Variants in SLCO6A1 observed in about 807,000 individuals in gnomAD.
SLCO6A1 encodes the protein cancer/testis antigen 48.
SLCO6A1 carries 65 observed loss-of-function variants against 72.7 expected under a neutral mutation model. The ratio of observed to expected loss-of-function variants is 0.89; its 90% CI spans 0.73 to 1.10. SLCO6A1 has a LOEUF of 1.10. SLCO6A1 is among the 50% of genes least tolerant of loss of function. The pLI is 0.00. For missense variants in SLCO6A1, 874 were observed against 872.6 expected (o/e 1.00, Z -0.02); for synonymous variants, 314 against 298.2 (o/e 1.05, Z -0.55).
At chr5:102,418,868 G>C (rs932756106) in intron 8 of SLCO6A1, among the ~76,000 whole-genome samples, 3 of 152,058 alleles carry the variant, frequency 2.0e-5, no homozygotes, top group African/African-American at 4.8e-5. Flanking sequence ...TAGCCTCCTA[G>C]CTTCATAATA....
chr5:102,396,029 G>A (rs1242277268), intron 10 of SLCO6A1, among the ~76,000 whole-genome samples: 3 of 152,016 alleles, frequency 2.0e-5, no homozygotes, highest in African/African-American at 7.2e-5. Context: ...TTGCTGTGCA[G>A]AAGCTCTTTA....
chr5:102,393,725 A>G, intron 10 of SLCO6A1, among the ~76,000 whole-genome samples: 1 of 151,996 alleles, frequency 6.6e-6, no homozygotes, highest in East Asian at 1.9e-4. Flanking sequence ...TTTTTTCCTT[A>G]AAGTGCTCCT....
intron 1 of SLCO6A1, among the ~76,000 whole-genome samples, chr5:102,498,072 A>G (rs1048067350): frequency 1.3e-5 from 2 of 152,082 alleles, no homozygotes; most frequent in Non-Finnish European, 2.9e-5. Flanking sequence ...GACTTCAACC[A>G]CACTATGATT....
At chr5:102,473,301 A>C (rs987412857) in intron 4 of SLCO6A1, among the ~76,000 whole-genome samples, 1 of 152,088 alleles carries the variant, frequency 6.6e-6, no homozygotes, top group Non-Finnish European at 1.5e-5. Flanking sequence ...TGTTTCTGGA[A>C]TATAAAGATG....
rs144293843 is a variant in SLCO6A1 at position 102,498,661 on chromosome 5, C to G, written c.184G>C (p.Gly62Arg). 123 of 1,614,098 alleles carry G rather than the reference C, an allele frequency of 7.6e-5. No individual in the cohort carries two copies. The highest frequency in any genetic ancestry group is 9.2e-5 in the Non-Finnish European group (109 of 1,180,040). ...GCTTTTTTCCTTTTTCGGAAACCGC[C>G]GAACCTTATCAAGGCCTCTGGAAGT... ...RLLPEALIRF[G>R]GFRKRKKAKS... Residue 62 changes from glycine to arginine, a missense_variant, in exon 1 of 14, where the codon GGC (glycine) becomes CGC (arginine). Gly to Arg is a moderately radical substitution (Grantham distance 125). Coordinates refer to ENST00000506729, the MANE Select transcript of SLCO6A1 (RefSeq NM_173488.5).
At chr5:102,384,162 C>A (rs911230350) in intron 12 of SLCO6A1, among the ~76,000 whole-genome samples, 1 of 151,556 alleles carries the variant, frequency 6.6e-6, no homozygotes, top group African/African-American at 2.4e-5. Flanking sequence ...TATTATTTTT[C>A]TAATCTCTAT....
chr5:102,398,681 A>C (rs551978131), intron 10 of SLCO6A1, among the ~76,000 whole-genome samples: 1 of 152,244 alleles, frequency 6.6e-6, no homozygotes, highest in South Asian at 2.1e-4. Flanking sequence ...GTTAATGTGA[A>C]TTGGGCCCTT....
intron 9 of SLCO6A1, 26 bp from the exon 10 acceptor site, chr5:102,399,768 A>G (rs780625767): frequency 2.6e-5 from 38 of 1,451,560 alleles, no homozygotes; most frequent in Non-Finnish European, 3.4e-5. Flanking sequence ...ACAGGAAACA[A>G]TCTTTCAGAA....
At chr5:102,477,617 T>C (rs1751970051) in intron 3 of SLCO6A1, 59 bp downstream of exon 3, 4 of 1,455,338 alleles carry the variant, frequency 2.7e-6, no homozygotes, top group Middle Eastern at 1.8e-4. Context: ...TAGATATGCA[T>C]ACCAAAATTC....
intron 12 of SLCO6A1, among the ~76,000 whole-genome samples, chr5:102,379,769 A>AT: frequency 2.4e-5 from 2 of 82,166 alleles, no homozygotes; most frequent in South Asian, 8.1e-4. Context: ...TATTTTGTCA[A>AT]TTTCAAAAAA....
chr5:102,476,159 G>C (rs756845223), intron 3 of SLCO6A1, among the ~76,000 whole-genome samples: 17 of 151,944 alleles, frequency 1.1e-4, no homozygotes, highest in Admixed American at 2.0e-4. Context: ...CCACTAAAGA[G>C]CTTATCTATG....
At chr5:102,488,692 A>G (rs1333823343) in intron 1 of SLCO6A1, among the ~76,000 whole-genome samples, 2 of 152,246 alleles carry the variant, frequency 1.3e-5, no homozygotes, top group African/African-American at 2.4e-5. Flanking sequence ...ATTTAATTTA[A>G]GCAATAATGT....
At chr5:102,421,738 C>T (rs1748619085) in intron 7 of SLCO6A1, among the ~76,000 whole-genome samples, 1 of 152,112 alleles carries the variant, frequency 6.6e-6, no homozygotes, top group Admixed American at 6.5e-5. Context: ...CTGAAGAGAG[C>T]AGCACATCTC....
In SLCO6A1 at chr5:102,458,381, C is replaced by T; in HGVS notation, c.1131+1G>A. 2 of 1,597,050 alleles carry T rather than the reference C, an allele frequency of 1.3e-6. No individual in the cohort carries two copies. The highest frequency in any genetic ancestry group is 1.1e-5 in the South Asian group (1 of 89,726). ...TGTTCAAGTAAAATATTTTACTTTA[C>T]CCAAAGAGCAGCACATAAATCCTTG... On this transcript the variant is annotated splice_donor_variant, in intron 6 of 13. Transcript: ENST00000506729. LOFTEE classifies it high-confidence loss of function.
intron 1 of SLCO6A1, among the ~76,000 whole-genome samples, chr5:102,496,959 GTTC>G (rs1460327977): frequency 6.6e-6 from 1 of 152,174 alleles, no homozygotes; most frequent in East Asian, 1.9e-4. Context: ...TCAAATGCTT[GTTC>G]TTCTAAGAAA....
At chr5:102,397,376 A>G (rs1378033196) in intron 10 of SLCO6A1, among the ~76,000 whole-genome samples, 19 of 152,144 alleles carry the variant, frequency 1.2e-4, no homozygotes, top group Admixed American at 1.2e-3. Flanking sequence ...TAGTAGACTT[A>G]AATATGACTT....
intron 6 of SLCO6A1, among the ~76,000 whole-genome samples, chr5:102,442,295 T>C (rs548193676): frequency 1.3e-5 from 2 of 152,258 alleles, no homozygotes; most frequent in South Asian, 2.1e-4. Flanking sequence ...CCACAAGTAA[T>C]GGATATGTGT....
intron 9 of SLCO6A1, among the ~76,000 whole-genome samples, chr5:102,401,261 A>G (rs1747384281): frequency 1.3e-5 from 2 of 152,240 alleles, no homozygotes; most frequent in South Asian, 4.1e-4. Context: ...CAAGAACAGA[A>G]TATGCTGGAT....
chr5:102,393,960 G>A lies in SLCO6A1; in HGVS notation c.1815-2915C>T, dbSNP rs1223943149. ...AAGAAAAATTATTTTGTCATTCTTA[G>A]CCCCATGTGATCACTGAAAACTGCC... On this transcript the variant is annotated intron_variant, in intron 10 of 13. Transcript: ENST00000506729. 1.3e-5 allele frequency among the ~76,000 whole-genome samples: 2 copies of A among 152,052 alleles called. 1 individual carries two copies. The highest frequency in any genetic ancestry group is 4.8e-5 in the African/African-American group (2 of 41,414).
Sources: allele counts gnomAD v4.1 joint callset (sites outside exome capture counted in the v4.1 genomes callset), GRCh38; gene constraint gnomAD v4.1.1; transcripts MANE v1.5; gene names NCBI Gene and HGNC (gene_info 2026-07-23, HGNC 2026-07-21).